Variants in KCND2 observed in about 807,000 individuals in gnomAD.
The protein encoded by KCND2 is potassium voltage-gated channel subfamily D member 2.
Under a neutral mutation model 54.4 loss-of-function variants are expected in KCND2, and 16 were observed. The ratio of observed to expected loss-of-function variants is 0.29; its 90% CI spans 0.20 to 0.45. The LOEUF is 0.45. KCND2 is among the 20% of genes least tolerant of loss of function. The pLI is 1.00. For synonymous variants in KCND2, 317 were observed against 310.7 expected, an observed-to-expected ratio of 1.02 and a Z score of -0.21; for missense variants, 486 against 824.2, an observed-to-expected ratio of 0.59 and a Z score of 5.02.
intron 1 of KCND2, among the ~76,000 whole-genome samples, chr7:120,678,375 G>GCACA (rs1440719060): frequency 3.4e-4 from 31 of 92,012 alleles, no homozygotes; most frequent in African/African-American, 1.4e-3. Context: ...ATATATATAC[G>GCACA]CACACACACA....
At chr7:120,727,552 T>C (rs922034561) in intron 1 of KCND2, among the ~76,000 whole-genome samples, 1 of 152,226 alleles carries the variant, frequency 6.6e-6, no homozygotes, top group Non-Finnish European at 1.5e-5. Flanking sequence ...AGCCAAAACT[T>C]AAATCTCTTC....
intron 1 of KCND2, among the ~76,000 whole-genome samples, chr7:120,278,464 T>A (rs898298898): frequency 2.6e-5 from 4 of 151,556 alleles, no homozygotes; most frequent in African/African-American, 7.3e-5. Flanking sequence ...CAATTAGTGA[T>A]AATAGAAGTG....
chr7:120,349,225 T>C (rs1800366235), intron 1 of KCND2, among the ~76,000 whole-genome samples: 1 of 152,048 alleles, frequency 6.6e-6, no homozygotes, highest in Non-Finnish European at 1.5e-5. Context: ...TTTATGTGGC[T>C]GATTAGATGG....
intron 1 of KCND2, among the ~76,000 whole-genome samples, chr7:120,578,917 C>T (rs1008591736): frequency 1.1e-5 from 1 of 88,104 alleles, no homozygotes; most frequent in East Asian, 2.3e-4. Flanking sequence ...GACCCTGTCT[C>T]ACACACACAC....
chr7:120,646,423 T>C (rs1009916485), intron 1 of KCND2, among the ~76,000 whole-genome samples: 3 of 152,246 alleles, frequency 2.0e-5, no homozygotes, highest in Admixed American at 2.0e-4. Flanking sequence ...TTTCTGTTAG[T>C]GATTTTATTG....
chr7:120,550,462 G>A (rs1299924141), intron 1 of KCND2, among the ~76,000 whole-genome samples: 1 of 152,108 alleles, frequency 6.6e-6, no homozygotes, highest in Non-Finnish European at 1.5e-5. Context: ...CCCACAAGAA[G>A]TGGTCAAAGG....
At chr7:120,575,790 G>T (rs894176023) in intron 1 of KCND2, among the ~76,000 whole-genome samples, 4 of 152,134 alleles carry the variant, frequency 2.6e-5, no homozygotes, top group African/African-American at 9.7e-5. Context: ...CCAGAAGTAA[G>T]CTGGTGACTC....
At chr7:120,558,845 G>A (rs1488162585) in intron 1 of KCND2, among the ~76,000 whole-genome samples, 1 of 151,996 alleles carries the variant, frequency 6.6e-6, no homozygotes, top group Non-Finnish European at 1.5e-5. Flanking sequence ...AAGCAAACTA[G>A]AATATCTAGG....
intron 1 of KCND2, among the ~76,000 whole-genome samples, chr7:120,396,324 G>C (rs543459377): frequency 2.0e-5 from 3 of 152,030 alleles, no homozygotes; most frequent in African/African-American, 7.2e-5. Flanking sequence ...CGACTGGCAT[G>C]TCTCAGCTTA....
intron 1 of KCND2, among the ~76,000 whole-genome samples, chr7:120,345,235 A>G (rs1049361266): frequency 5.3e-5 from 8 of 152,200 alleles, no homozygotes; most frequent in Admixed American, 2.6e-4. Context: ...GATTAAAAAT[A>G]CTGAAATTTG....
At chr7:120,721,216 A>G (rs568335911) in intron 1 of KCND2, among the ~76,000 whole-genome samples, 2 of 152,274 alleles carry the variant, frequency 1.3e-5, no homozygotes, top group South Asian at 2.1e-4. Context: ...GAATACAACC[A>G]CAGGGCATAT....
intron 1 of KCND2, among the ~76,000 whole-genome samples, chr7:120,284,463 A>G (rs1006122650): frequency 3.3e-5 from 5 of 152,136 alleles, no homozygotes; most frequent in African/African-American, 9.7e-5. Flanking sequence ...ATATGTCTAG[A>G]TTGTATCAAA....
intron 1 of KCND2, among the ~76,000 whole-genome samples, chr7:120,589,875 A>G (rs1792648274): frequency 6.6e-6 from 1 of 152,188 alleles, no homozygotes; most frequent in African/African-American, 2.4e-5. Flanking sequence ...CCTGAGTTGG[A>G]ACATGTAAAT....
intron 1 of KCND2, among the ~76,000 whole-genome samples, chr7:120,590,123 G>A (rs1445652916): frequency 6.6e-6 from 1 of 152,146 alleles, no homozygotes; most frequent in Non-Finnish European, 1.5e-5. Context: ...CCAGGTTCAA[G>A]CAATCGTGCC....
intron 1 of KCND2, among the ~76,000 whole-genome samples, chr7:120,686,371 C>G (rs1273775098): frequency 1.3e-5 from 2 of 152,086 alleles, no homozygotes; most frequent in African/African-American, 2.4e-5. Flanking sequence ...TTTCCACCCC[C>G]ACGAACATAT....
At chr7:120,379,562 G>A (rs568267254) in intron 1 of KCND2, among the ~76,000 whole-genome samples, 1 of 152,078 alleles carries the variant, frequency 6.6e-6, no homozygotes, top group Non-Finnish European at 1.5e-5. Context: ...TTCTTAAAAC[G>A]TGTCATCCTC....
chr7:120,356,058 A>C (rs1800499226), intron 1 of KCND2, among the ~76,000 whole-genome samples: 1 of 152,164 alleles, frequency 6.6e-6, no homozygotes, highest in Non-Finnish European at 1.5e-5. Context: ...GGAATATCAA[A>C]TAACACATTT....
intron 1 of KCND2, among the ~76,000 whole-genome samples, chr7:120,388,715 A>G (rs1801025571): frequency 6.6e-6 from 1 of 151,972 alleles, no homozygotes; most frequent in African/African-American, 2.4e-5. Context: ...TCCATGGGCT[A>G]TGTGTATTCT....
intron 1 of KCND2, among the ~76,000 whole-genome samples, chr7:120,720,126 A>G (rs1287715839): frequency 1.3e-5 from 2 of 152,184 alleles, no homozygotes; most frequent in East Asian, 1.9e-4. Context: ...CACAGAAACT[A>G]AAAAGCTTCG....
Sources: gnomAD v4.1 joint callset for allele counts (sites outside exome capture counted in the v4.1 genomes callset) on GRCh38, gnomAD v4.1.1 for gene constraint, MANE v1.5 for transcripts, NCBI Gene and HGNC (gene_info 2026-07-23, HGNC 2026-07-21) for gene names.